Variants in NAV2 observed in about 807,000 individuals in gnomAD.
NAV2 encodes neuron navigator 2, also known as helicase, APC down-regulated 1.
In NAV2, 54 loss-of-function variants were observed where a neutral mutation model predicts 223.2. The observed-to-expected ratio is 0.24, with a 90% CI of 0.19 to 0.30. The LOEUF (loss-of-function observed/expected upper bound fraction) is 0.30. NAV2 is among the 10% of genes least tolerant of loss of function. The pLI is 1.00. For missense variants in NAV2, 2,806 were observed against 3,147.5 expected (o/e 0.89, Z 2.60); for synonymous variants, 1,279 against 1,239.3 (o/e 1.03, Z -0.67).
chr11:20,090,760 G>T, intron 26 of NAV2, 105 bp from the exon 27 acceptor site: 1 of 1,211,028 alleles, frequency 8.3e-7, no homozygotes, highest in Admixed American at 2.1e-5. Flanking sequence ...CAGGCAGCTG[G>T]TTATTCACAG....
At chr11:20,099,447 C>G (rs1221261809) in intron 31 of NAV2, among the ~76,000 whole-genome samples, 2 of 152,352 alleles carry the variant, frequency 1.3e-5, no homozygotes, top group East Asian at 3.9e-4. Flanking sequence ...GGCCAAGCCT[C>G]TCTAGAAAGT....
chr11:20,080,245 C>A, intron 25 of NAV2, 36 bp downstream of exon 25: 1 of 1,594,506 alleles, frequency 6.3e-7, no homozygotes, highest in East Asian at 2.3e-5. Flanking sequence ...GACTGACGGA[C>A]AGAGTCAGTT....
upstream of NAV2, chr11:19,711,356 A>G (rs2049865466): frequency 6.6e-6 from 1 of 152,240 alleles, no homozygotes. Context: ...TAGGATGCCA[A>G]CACGGTATCA....
At chr11:19,584,299 A>G (rs577953305) in intron 1 of NAV2, among the ~76,000 whole-genome samples, 2 of 152,072 alleles carry the variant, frequency 1.3e-5, no homozygotes, top group East Asian at 3.9e-4. Flanking sequence ...CTAGCGGTCT[A>G]TCGATTTTAT....
rs199861412 is a variant in NAV2, at chr11:19,456,066, A to G, written c.75+105039A>G. On this transcript the variant is annotated intron_variant, in intron 1 of 37. Transcript: ENST00000360655. Reference sequence around the variant, plus strand: ...TTCTGCTATTCAGGGTTTGAGCACCAAGGAGGTATAACAATGTCATCCAAG... The same window carrying G: ...TTCTGCTATTCAGGGTTTGAGCACCGAGGAGGTATAACAATGTCATCCAAG... Among the ~76,000 whole-genome samples the G allele has an allele frequency of 4.6e-5, 7 of 152,338 alleles. No homozygotes were observed. The East Asian group carries it at 1.4e-3, about 29-fold the overall frequency.
rs560025739 is a variant in NAV2, at chr11:19,994,862, A to G, written c.2768+10615A>G. Among the ~76,000 whole-genome samples the G allele has an allele frequency of 9.8e-5, 15 of 152,318 alleles. No homozygotes were observed. In the East Asian group the frequency reaches 2.9e-3, roughly 29 times the overall value. On this transcript the variant is annotated intron_variant, in intron 11 of 37. Transcript: ENST00000349880. ...CAATGTCAAGGTTGGGTTTGTTCAG[A>G]ATCATCAATTGTAGCCCTGTCATTT...
chr11:19,346,469 C>T (rs528420989), upstream of NAV2, among the ~76,000 whole-genome samples: 1 of 152,182 alleles, frequency 6.6e-6, no homozygotes, highest in African/African-American at 2.4e-5. Flanking sequence ...AGGGGGCGCC[C>T]GAGCACTGGG....
chr11:19,615,971 C>A (rs978710700), intron 1 of NAV2, among the ~76,000 whole-genome samples: 1 of 152,100 alleles, frequency 6.6e-6, no homozygotes, highest in African/African-American at 2.4e-5. Flanking sequence ...GCGCTGCCTC[C>A]CCATCATCAT....
intron 1 of NAV2, among the ~76,000 whole-genome samples, chr11:19,622,780 G>A (rs1255069853): frequency 6.6e-6 from 1 of 152,126 alleles, no homozygotes; most frequent in African/African-American, 2.4e-5. Flanking sequence ...GGTTAATATT[G>A]TCATGTATGA....
chr11:19,742,549 A>G (rs1388450996), intron 1 of NAV2, among the ~76,000 whole-genome samples: 2 of 152,158 alleles, frequency 1.3e-5, no homozygotes, highest in Non-Finnish European at 2.9e-5. Flanking sequence ...CGCTCCAGGT[A>G]AGAGCTGGTG....
chr11:19,569,091 TTTC>T (rs1565058477), intron 1 of NAV2, among the ~76,000 whole-genome samples: 1 of 152,244 alleles, frequency 6.6e-6, no homozygotes, highest in Admixed American at 6.5e-5. Flanking sequence ...GTAAATGATT[TTTC>T]TTCTTGTTCT....
chr11:19,728,954 C>G (rs1299780831), intron 1 of NAV2, among the ~76,000 whole-genome samples: 1 of 152,172 alleles, frequency 6.6e-6, no homozygotes, highest in Non-Finnish European at 1.5e-5. Flanking sequence ...GCCAAGAGTG[C>G]ACCCCTTCCT....
chr11:19,557,807 C>A (rs1345325218), intron 1 of NAV2, among the ~76,000 whole-genome samples: 2 of 152,222 alleles, frequency 1.3e-5, no homozygotes, highest in Non-Finnish European at 2.9e-5. Flanking sequence ...TCTCAAGCTG[C>A]ATTCCTGCAG....
At chr11:19,643,607 T>C (rs1031962237) in intron 1 of NAV2, among the ~76,000 whole-genome samples, 6 of 152,198 alleles carry the variant, frequency 3.9e-5, no homozygotes, top group African/African-American at 1.4e-4. Context: ...TAATTGTGAA[T>C]AGTGCCACAA....
chr11:19,953,879 G>A (rs2047606921), intron 10 of NAV2, among the ~76,000 whole-genome samples: 1 of 152,062 alleles, frequency 6.6e-6, no homozygotes, highest in Admixed American at 6.5e-5. Context: ...GTGTGTGTGT[G>A]TGTCTTTCTC....
chr11:19,939,527 A>C (rs1012353808), intron 7 of NAV2, 134 bp from the exon 8 acceptor site: 3 of 611,012 alleles, frequency 4.9e-6, no homozygotes, highest in Non-Finnish European at 8.9e-6. Flanking sequence ...ATTTAGCGTC[A>C]GTCTGCTGGT....
chr11:19,780,565 C>T (rs2056647464), intron 1 of NAV2, among the ~76,000 whole-genome samples: 1 of 152,246 alleles, frequency 6.6e-6, no homozygotes, highest in Non-Finnish European at 1.5e-5. Context: ...AGACCTGTAG[C>T]CAGAGCTCTG....
intron 1 of NAV2, among the ~76,000 whole-genome samples, chr11:19,545,789 T>C (rs548309029): frequency 6.6e-6 from 1 of 152,070 alleles, no homozygotes; most frequent in Admixed American, 6.5e-5. Context: ...CATCAGCTAT[T>C]GTTAGTGTTA....
intron 12 of NAV2, among the ~76,000 whole-genome samples, chr11:20,042,825 A>G (rs2057051244): frequency 6.6e-6 from 1 of 152,120 alleles, no homozygotes; most frequent in South Asian, 2.1e-4. Flanking sequence ...TTCCCCATTT[A>G]CCGTGCTGCT....
Sources: gnomAD v4.1 joint callset for allele counts (sites outside exome capture counted in the v4.1 genomes callset) on GRCh38, gnomAD v4.1.1 for gene constraint, MANE v1.5 for transcripts, NCBI Gene and HGNC (gene_info 2026-07-23, HGNC 2026-07-21) for gene names.